The following NKAIN3 variants were observed in gnomAD, a reference collection of about 807,000 sequenced individuals.
NKAIN3 encodes sodium/potassium transporting ATPase interacting 3.
NKAIN3 carries 25 observed loss-of-function variants against 30.2 expected under a neutral mutation model. The observed-to-expected ratio is 0.83, with a 90% CI of 0.60 to 1.16. NKAIN3 has a LOEUF of 1.16. Among genes scored for constraint, NKAIN3 ranks in the 50% most tolerant of loss-of-function variants. The pLI, the probability that NKAIN3 is intolerant of heterozygous loss-of-function variation, is 0.00. For missense variants in NKAIN3, 225 were observed against 254.1 expected (o/e 0.89, Z 0.78); for synonymous variants, 91 against 89.6 (o/e 1.02, Z -0.09).
intron 1 of NKAIN3, among the ~76,000 whole-genome samples, chr8:62,425,972 T>C (rs13257791): frequency 0.083 from 12,623 of 152,068 alleles, 749 homozygotes; most frequent in Middle Eastern, 0.13. Context: ...TTCTTCAGAA[T>C]AGAACATACA....
At chr8:62,763,754 G>A (rs946525653) in intron 4 of NKAIN3, among the ~76,000 whole-genome samples, 2 of 152,196 alleles carry the variant, frequency 1.3e-5, no homozygotes, top group Non-Finnish European at 2.9e-5. Flanking sequence ...AAAGAGGAAA[G>A]AAATATGAAA....
In NKAIN3 at chr8:62,967,451, G is replaced by T. The variant is rs1242909506; in HGVS notation, c.*2044G>T. Among the ~76,000 whole-genome samples, 1 of 152,024 alleles carries T rather than the reference G, an allele frequency of 6.6e-6. No homozygotes were observed. Among genetic ancestry groups the T allele is most frequent in the Non-Finnish European group, 1.5e-5 (1 of 68,038 alleles). The stretch of plus-strand genomic sequence containing the variant: ...GTGAAGCACTCCACAATTAAAGGAG[G>T]TGATTATTATTAATAATGTCAAAAC... On this transcript the variant is annotated 3_prime_UTR_variant, in exon 7 of 7. Coordinates refer to ENST00000623646, the MANE Select transcript of NKAIN3 (RefSeq NM_001304533.3).
intron 3 of NKAIN3, among the ~76,000 whole-genome samples, chr8:62,709,417 A>G (rs1192687365): frequency 6.6e-6 from 1 of 152,102 alleles, no homozygotes; most frequent in Non-Finnish European, 1.5e-5. Flanking sequence ...TTGTCTCTTC[A>G]GGGTATCCAA....
intron 4 of NKAIN3, among the ~76,000 whole-genome samples, chr8:62,914,988 C>G (rs935425433): frequency 6.6e-6 from 1 of 152,028 alleles, no homozygotes; most frequent in Non-Finnish European, 1.5e-5. Context: ...TGATGTTGCC[C>G]TCCCTGTCTC....
rs1376460668 is a variant in NKAIN3, at chr8:62,870,693, ATCTATATATC to A, written c.472-47758_472-47749del. ...GATATCTATATATCTATATCTCTCT[ATCTATATATC>A]TATATATCTATATCTCTATATCTAT... On this transcript the variant is annotated intron_variant, in intron 4 of 6. Transcript: ENST00000623646. Among the ~76,000 whole-genome samples the A allele has an allele frequency of 2.0e-3, 182 of 89,214 alleles. 5 individuals are homozygous for A. The highest frequency in any genetic ancestry group is 8.5e-3 in the African/African-American group (176 of 20,622). The allele number at this position is 89,214 out of a possible 152,430, so 58.5% of individuals were successfully genotyped here.
chr8:62,627,022 A>G (rs924695773), intron 3 of NKAIN3, among the ~76,000 whole-genome samples: 7 of 152,166 alleles, frequency 4.6e-5, no homozygotes, highest in Admixed American at 1.3e-4. Flanking sequence ...GAGCTAGGAA[A>G]GAACTAAGGA....
At chr8:62,705,523 A>G (rs1004209162) in intron 3 of NKAIN3, among the ~76,000 whole-genome samples, 2 of 152,090 alleles carry the variant, frequency 1.3e-5, no homozygotes, top group African/African-American at 4.8e-5. Context: ...CTTTTCTTCA[A>G]TTATTTGTTG....
At position 62,966,252 on chromosome 8, in the gene NKAIN3, A is replaced by T. The variant is rs761566769; in HGVS notation, c.*845A>T. On this transcript the variant is annotated 3_prime_UTR_variant, in exon 7 of 7. Coordinates refer to ENST00000623646, the MANE Select transcript of NKAIN3 (RefSeq NM_001304533.3). The stretch of plus-strand genomic sequence containing the variant: ...AGGAACTTTTCTCTTAGGATATTCA[A>T]AAGAAGCCTGAAAATGCTGTAGCAT... The T allele has an allele frequency of 4.2e-4, 413 of 985,190 alleles. No individual in the cohort carries two copies. Among genetic ancestry groups the T allele is most frequent in the Non-Finnish European group, 4.9e-4 (405 of 829,836 alleles). 61.0% of individuals were successfully genotyped at this position (985,190 alleles called of 1,614,324 possible). A position where few individuals can be genotyped will look rare whatever the true frequency, so the allele number is the denominator to read the frequency against.
intron 3 of NKAIN3, among the ~76,000 whole-genome samples, chr8:62,718,384 A>G (rs1344129622): frequency 6.6e-6 from 1 of 152,230 alleles, no homozygotes; most frequent in Admixed American, 6.5e-5. Context: ...TGTTTCCAGA[A>G]TCACATCTAA....
chr8:62,500,469 GAA>G (rs1563427405), intron 1 of NKAIN3, among the ~76,000 whole-genome samples: 2 of 119,316 alleles, frequency 1.7e-5, no homozygotes, highest in Non-Finnish European at 3.5e-5. Context: ...AAGAAAGAAA[GAA>G]AGAAAGAAAG....
At chr8:62,759,789 G>C (rs371558930) in intron 4 of NKAIN3, among the ~76,000 whole-genome samples, 9 of 151,882 alleles carry the variant, frequency 5.9e-5, no homozygotes, top group East Asian at 1.9e-4. Flanking sequence ...AACTAAAGAG[G>C]TTCTGCACAG....
At chr8:62,673,127 A>G (rs1813361400) in intron 3 of NKAIN3, among the ~76,000 whole-genome samples, 1 of 152,222 alleles carries the variant, frequency 6.6e-6, no homozygotes, top group South Asian at 2.1e-4. Flanking sequence ...ATTCAACTCC[A>G]TCTTTGTCTG....
intron 4 of NKAIN3, among the ~76,000 whole-genome samples, chr8:62,876,997 A>G (rs1408181540): frequency 6.6e-6 from 1 of 151,982 alleles, no homozygotes; most frequent in Non-Finnish European, 1.5e-5. Context: ...AAAAAAAAAA[A>G]GAAAAGGAGA....
intron 1 of NKAIN3, among the ~76,000 whole-genome samples, chr8:62,556,937 T>C (rs972987520): frequency 6.6e-6 from 1 of 152,110 alleles, no homozygotes; most frequent in African/African-American, 2.4e-5. Context: ...AAATATACTT[T>C]TAAATTTTTT....
At position 62,357,058 on chromosome 8, in the gene NKAIN3, T is replaced by C. The variant is rs565140284; in HGVS notation, c.54+107931T>C. ...TTGAGGCTGCAGTAAACTGAAATCA[T>C]GCCACTATACTCCAGCCTGGGCAAC... On this transcript the variant is annotated intron_variant, in intron 1 of 6. Transcript: ENST00000623646. 2.6e-5 allele frequency among the ~76,000 whole-genome samples: 4 copies of C among 152,178 alleles called. No individual in the cohort carries two copies. In the South Asian group the frequency reaches 8.3e-4, roughly 32 times the overall value.
chr8:62,396,427 T>G (rs756059599), intron 1 of NKAIN3, among the ~76,000 whole-genome samples: 3 of 152,232 alleles, frequency 2.0e-5, no homozygotes, highest in Non-Finnish European at 4.4e-5. Context: ...AGGCTTTTCT[T>G]ACAAAGGCAG....
intron 2 of NKAIN3, among the ~76,000 whole-genome samples, chr8:62,587,324 G>A (rs1289681188): frequency 6.6e-6 from 1 of 151,884 alleles, no homozygotes; most frequent in Non-Finnish European, 1.5e-5. Flanking sequence ...TAATGTAAAT[G>A]TACTAGAAGA....
At chr8:62,878,320 A>C (rs10095936) in intron 4 of NKAIN3, among the ~76,000 whole-genome samples, 105,607 of 151,818 alleles carry the variant, frequency 0.7, 37,442 homozygotes, top group African/African-American at 0.79. Flanking sequence ...TTTTCTTATC[A>C]ATTACTATGT....
At chr8:62,459,659 G>A (rs1029081661) in intron 1 of NKAIN3, among the ~76,000 whole-genome samples, 8 of 152,166 alleles carry the variant, frequency 5.3e-5, no homozygotes, top group Admixed American at 6.5e-5. Context: ...GTCAAGAAAA[G>A]TTTCTATGAT....
Sources: allele counts gnomAD v4.1 joint callset (sites outside exome capture counted in the v4.1 genomes callset), GRCh38; gene constraint gnomAD v4.1.1; transcripts MANE v1.5; gene names NCBI Gene and HGNC (gene_info 2026-07-23, HGNC 2026-07-21).